The following IL1RAPL2 variants were observed in gnomAD, a reference collection of about 807,000 sequenced individuals.
IL1RAPL2 encodes X-linked interleukin-1 receptor accessory protein-like 2.
IL1RAPL2 carries 3 observed loss-of-function variants against 44.1 expected under a neutral mutation model. That is an observed-to-expected ratio of 0.07 (90% CI 0.03 to 0.18). The LOEUF (loss-of-function observed/expected upper bound fraction) is 0.18, where lower values mean the gene tolerates loss of function less well. Ranked by LOEUF, IL1RAPL2 falls within the 10% of genes least tolerant of loss-of-function variation. IL1RAPL2 has a pLI of 1.00. For missense variants in IL1RAPL2, 391 were observed against 496.4 expected (o/e 0.79, Z 2.02); for synonymous variants, 181 against 178.8 (o/e 1.01, Z -0.10).
At chrX:105,734,956 C>G (rs1407297474) in intron 7 of IL1RAPL2, among the ~76,000 whole-genome samples, 1 of 111,289 alleles carries the variant, frequency 9.0e-6, no homozygotes, top group East Asian at 2.9e-4. Flanking sequence ...GTGGTACTGG[C>G]TTTGCTCCTG....
At chrX:105,002,498 G>C (rs1442008847) in intron 2 of IL1RAPL2, among the ~76,000 whole-genome samples, 2 of 111,197 alleles carry the variant, frequency 1.8e-5, no homozygotes, top group South Asian at 7.5e-4. Context: ...GGGGAATGAA[G>C]TCTTGGAATC....
At position 104,668,601 on chromosome X, in the gene IL1RAPL2, A is replaced by T. The variant is rs751488586; in HGVS notation, c.82+9606A>T. Among the ~76,000 whole-genome samples, 8 of 107,830 alleles carry T rather than the reference A, an allele frequency of 7.4e-5. No individual in the cohort carries two copies. The South Asian group carries it at 1.6e-3, about 22-fold the overall frequency. The allele number at this position is 107,830 out of a possible 115,157, so 93.6% of individuals were successfully genotyped here. On this transcript the variant is annotated intron_variant, in intron 2 of 10. Transcript: ENST00000372582. ...TCAATTATGAAAATGTTTTGAATTT[A>T]AAAAAAACTGAGTAAGGCATTAACC...
At chrX:105,539,310 A>G (rs1382525724) in intron 6 of IL1RAPL2, among the ~76,000 whole-genome samples, 1 of 111,600 alleles carries the variant, frequency 9.0e-6, no homozygotes, top group African/African-American at 3.3e-5. Flanking sequence ...CAAAAATAGG[A>G]TGGTATAGGT....
intron 1 of IL1RAPL2, among the ~76,000 whole-genome samples, chrX:104,582,861 T>TTTCTTTCTTTCC (rs1928433883): frequency 2.2e-5 from 2 of 92,421 alleles, no homozygotes; most frequent in East Asian, 6.6e-4. Context: ...TCTTTCTTTC[T>TTTCTTTCTTTCC]TTCTTTCTTT....
intron 4 of IL1RAPL2, among the ~76,000 whole-genome samples, chrX:105,234,821 A>AAAAG (rs1556199834): frequency 9.4e-6 from 1 of 106,518 alleles, no homozygotes; most frequent in African/African-American, 3.6e-5. Flanking sequence ...AAAAAAAAAA[A>AAAAG]AAGAAGAGAG....
At position 105,124,556 on chromosome X, in the gene IL1RAPL2, G is replaced by T. The variant is rs769672040; in HGVS notation, c.83-70919G>T. On this transcript the variant is annotated intron_variant, in intron 2 of 10. Transcript: ENST00000372582. The stretch of plus-strand genomic sequence containing the variant: ...ACTTCCTCCACTCAGGGTCAGATTT[G>T]CATTGTGGTCTGCCAGCTTTTCTAG... 4.6e-5 allele frequency among the ~76,000 whole-genome samples: 5 copies of T among 109,233 alleles called. No homozygotes were observed. In the South Asian group the frequency reaches 1.2e-3, roughly 26 times the overall value. 94.9% of individuals were successfully genotyped at this position (109,233 alleles called of 115,157 possible).
At chrX:105,251,853 G>T (rs2034271780) in intron 4 of IL1RAPL2, among the ~76,000 whole-genome samples, 1 of 110,984 alleles carries the variant, frequency 9.0e-6, no homozygotes, top group Non-Finnish European at 1.9e-5. Flanking sequence ...TACAACTATA[G>T]AAATGGAAAA....
At chrX:104,922,626 C>T (rs916338284) in intron 2 of IL1RAPL2, among the ~76,000 whole-genome samples, 1 of 112,037 alleles carries the variant, frequency 8.9e-6, no homozygotes, top group Admixed American at 9.5e-5. Context: ...ACCCAACATA[C>T]ACAACAGTAA....
At chrX:104,590,061 T>C (rs766021957) in intron 1 of IL1RAPL2, among the ~76,000 whole-genome samples, 2 of 111,649 alleles carry the variant, frequency 1.8e-5, no homozygotes, top group Admixed American at 9.5e-5. Context: ...TGTTGTTTGT[T>C]TGAGACAGAG....
chrX:104,635,387 C>A (rs1472042992), intron 1 of IL1RAPL2, among the ~76,000 whole-genome samples: 1 of 110,757 alleles, frequency 9.0e-6, no homozygotes, highest in Admixed American at 9.6e-5. Context: ...TGAACGTTGG[C>A]CTGCCTTGCT....
intron 2 of IL1RAPL2, among the ~76,000 whole-genome samples, chrX:105,033,690 C>T (rs2031560421): frequency 9.0e-6 from 1 of 111,031 alleles, no homozygotes; most frequent in African/African-American, 3.3e-5. Context: ...GTGAATCTGA[C>T]AATTATATGT....
At chrX:104,703,010 G>A (rs754048988) in intron 2 of IL1RAPL2, among the ~76,000 whole-genome samples, 37 of 111,224 alleles carry the variant, frequency 3.3e-4, no homozygotes, top group Non-Finnish European at 6.4e-4. Context: ...ATATGGACAA[G>A]CATGGCTCCA....
chrX:105,271,482 G>C (rs905892400), intron 5 of IL1RAPL2, among the ~76,000 whole-genome samples: 6 of 111,376 alleles, frequency 5.4e-5, no homozygotes, highest in African/African-American at 2.0e-4. Flanking sequence ...AAGTGAAAAA[G>C]TAAGACAGGA....
chrX:104,967,514 C>T (rs1168856813), intron 2 of IL1RAPL2, among the ~76,000 whole-genome samples: 2 of 83,288 alleles, frequency 2.4e-5, no homozygotes, highest in African/African-American at 8.5e-5. Context: ...ACAAAATAAA[C>T]ACAAAAAATA....
intron 1 of IL1RAPL2, among the ~76,000 whole-genome samples, chrX:104,615,423 C>T (rs999162446): frequency 7.8e-5 from 8 of 102,514 alleles, no homozygotes; most frequent in African/African-American, 2.5e-4. Context: ...GTTCCCCTCT[C>T]TGTGTCCACG....
At chrX:104,613,880 G>T (rs1004269435) in intron 1 of IL1RAPL2, among the ~76,000 whole-genome samples, 3 of 103,705 alleles carry the variant, frequency 2.9e-5, no homozygotes, top group Non-Finnish European at 5.9e-5. Flanking sequence ...CTCGCTATTG[G>T]TCTGTTCAGA....
chrX:105,643,153 G>C (rs2037581031), intron 6 of IL1RAPL2, among the ~76,000 whole-genome samples: 1 of 112,106 alleles, frequency 8.9e-6, no homozygotes, highest in African/African-American at 3.2e-5. Context: ...GCCCTACAGG[G>C]CTGAGGTGGG....
intron 6 of IL1RAPL2, among the ~76,000 whole-genome samples, chrX:105,660,737 A>C (rs967729847): frequency 9.0e-6 from 1 of 111,243 alleles, no homozygotes; most frequent in African/African-American, 3.3e-5. Flanking sequence ...ATAAGATATC[A>C]TTTGTGAGAC....
In IL1RAPL2 at chrX:104,798,243, A is replaced by AG. The variant is rs779368989; in HGVS notation, c.82+139254dup. The stretch of plus-strand genomic sequence containing the variant: ...CATTCAGGAGGCTGTCTTTTGGTTA[A>AG]GGGGGGCTCCACCTGCATCGCCAGA... On this transcript the variant is annotated intron_variant, in intron 2 of 10. Coordinates refer to ENST00000372582, the MANE Select transcript of IL1RAPL2 (RefSeq NM_017416.2). Among the ~76,000 whole-genome samples the AG allele has an allele frequency of 2.7e-5, 3 of 111,488 alleles. No homozygotes were observed. In the South Asian group the frequency reaches 1.1e-3, roughly 42 times the overall value.
Sources: allele counts gnomAD v4.1 joint callset (sites outside exome capture counted in the v4.1 genomes callset), GRCh38; gene constraint gnomAD v4.1.1; transcripts MANE v1.5; gene names NCBI Gene and HGNC (gene_info 2026-07-23, HGNC 2026-07-21).